Variants in NDST2 observed in about 807,000 individuals in gnomAD.
NDST2 encodes N-deacetylase and N-sulfotransferase 2.
NDST2 carries 32 observed loss-of-function variants against 86.9 expected under a neutral mutation model. That is an observed-to-expected ratio of 0.37 (90% CI 0.28 to 0.49). The LOEUF is 0.49. NDST2 is among the 20% of genes least tolerant of loss of function. The pLI is 0.97. For synonymous variants in NDST2, 409 were observed against 437.0 expected (o/e 0.94, Z 0.80); for missense variants, 950 against 1,146.9 (o/e 0.83, Z 2.48).
Position 73,801,990 on chromosome 10 carries a change from C to A in NDST2, c.*461G>T. The A allele has an allele frequency of 2.8e-6, 1 of 363,038 alleles. No homozygotes were observed. The highest frequency in any genetic ancestry group is 2.1e-5 in the African/African-American group (1 of 47,402). 22.5% of individuals were successfully genotyped at this position (363,038 alleles called of 1,614,324 possible). A position where few individuals can be genotyped will look rare whatever the true frequency, so the allele number is the denominator to read the frequency against. ...CATACTCGGCTCTATGAGCCACTGTCCGACCTCATCCCCATTCAATGTGAA... is the reference window on the plus strand; with the variant it reads ...CATACTCGGCTCTATGAGCCACTGTACGACCTCATCCCCATTCAATGTGAA... On this transcript the variant is annotated 3_prime_UTR_variant, in exon 15 of 15. Transcript: ENST00000309979. The surrounding 1 kb of genome is among the most constrained non-coding windows in gnomAD (Gnocchi z 4.9).
In NDST2 at chr10:73,804,175, GGAAGGGCTAA is replaced by G. The variant is rs952354532; in HGVS notation, c.1844-169_1844-160del. The G allele has an allele frequency of 6.9e-6, 5 of 723,908 alleles. No individual in the cohort carries two copies. In the Admixed American group the frequency reaches 1.1e-4, roughly 16 times the overall value. 44.8% of individuals were successfully genotyped at this position (723,908 alleles called of 1,614,324 possible). ...GGAGGCAAGTCTGAGAGAGGCCCAGGGAAGGGCTAAAACAGTGGTTCTCTGCTTTAACTGT... is the reference window on the plus strand; with the variant it reads ...GGAGGCAAGTCTGAGAGAGGCCCAGGAACAGTGGTTCTCTGCTTTAACTGT... On this transcript the variant is annotated intron_variant, in intron 9 of 14. Transcript: ENST00000309979.
In NDST2 at chr10:73,804,160, C is replaced by G. The variant is rs974881898; in HGVS notation, c.1844-144G>C. 11 of 847,176 alleles carry G rather than the reference C, an allele frequency of 1.3e-5. No homozygotes were observed. The African/African-American group carries it at 1.9e-4, about 14-fold the overall frequency. The allele number at this position is 847,176 out of a possible 1,614,324, so 52.5% of individuals were successfully genotyped here. A position where few individuals can be genotyped will look rare whatever the true frequency, so the allele number is the denominator to read the frequency against. ...CAAACTACAATGATAGGAGGCAAGTCTGAGAGAGGCCCAGGGAAGGGCTAA... is the reference window on the plus strand; with the variant it reads ...CAAACTACAATGATAGGAGGCAAGTGTGAGAGAGGCCCAGGGAAGGGCTAA... On this transcript the variant is annotated intron_variant, in intron 9 of 14. Transcript: ENST00000309979.
Position 73,808,567 on chromosome 10 carries a change from T to C in NDST2, c.-179A>G, listed in dbSNP as rs550524992. 10 of 617,678 alleles carry C rather than the reference T, an allele frequency of 1.6e-5. No homozygotes were observed. The East Asian group carries it at 1.9e-4, about 12-fold the overall frequency. 38.3% of individuals were successfully genotyped at this position (617,678 alleles called of 1,614,324 possible). The stretch of plus-strand genomic sequence containing the variant: ...TCCCCTTAGCATAGGGTAGGGGAGG[T>C]AGAAGGGGAAGCAGGGGGCAACTAT... On this transcript the variant is annotated 5_prime_UTR_variant, in exon 3 of 15. Transcript: ENST00000309979. The surrounding 1 kb of genome is among the most constrained non-coding windows in gnomAD (Gnocchi z 4.3).
rs969539857 is a variant in NDST2 at position 73,808,605 on chromosome 10, T to C, written c.-217A>G. 3.8e-6 allele frequency: 2 copies of C among 524,032 alleles called. No homozygotes were observed. 32.5% of individuals were successfully genotyped at this position (524,032 alleles called of 1,614,324 possible). On this transcript the variant is annotated 5_prime_UTR_variant, in exon 3 of 15. Coordinates refer to ENST00000309979, the MANE Select transcript of NDST2 (RefSeq NM_003635.4). This position sits in a 1 kb window ranked among gnomAD's most constrained non-coding sequence, Gnocchi z 4.3. ...AGGGGGCAACTATACAGAGTCCACT[T>C]GTCTCAGGTCACCATGGCCCCCTGG...
intron 9 of NDST2, among the ~76,000 whole-genome samples, 171 bp downstream of exon 9, chr10:73,804,602 G>A (rs556265816): frequency 1.3e-4 from 19 of 151,710 alleles, no homozygotes; most frequent in South Asian, 1.0e-3. Context: ...GTGCCACTGC[G>A]CTCCAGCCTG....
Position 73,806,345 on chromosome 10 carries a change from A to G in NDST2, c.1378T>C (p.Tyr460His). The change falls in exon 6 of 15, where the codon TAT (tyrosine) becomes CAT (histidine). Residue 460 changes from tyrosine (Y) to histidine (H), a missense_variant. Around this residue, in one of 5 missense-constraint regions of NDST2, gnomAD observed 586 missense variants for 714.0 expected, o/e 0.82. Transcript: ENST00000309979. The surrounding 1 kb of genome is among the most constrained non-coding windows in gnomAD (Gnocchi z 4.5). ...WGIQVTSTEE[Y>H]PHLRPARYRR... ...TAGCGGGCAGGGCGGAGATGGGGAT[A>G]CTCCTCAGTGCTGGTCACCTGGATG... The G allele has an allele frequency of 6.2e-7, 1 of 1,613,952 alleles. No homozygotes were observed. The highest frequency in any genetic ancestry group is 8.5e-7 in the Non-Finnish European group (1 of 1,180,000).
chr10:73,803,154 G>A (rs1344255995), intron 12 of NDST2, 35 bp downstream of exon 12: 2 of 1,613,778 alleles, frequency 1.2e-6, no homozygotes, highest in Non-Finnish European at 1.7e-6. Flanking sequence ...AGAGGGGAAG[G>A]GGAACCCCAC....
At position 73,805,595 on chromosome 10, in the gene NDST2, G is replaced by C. The variant is rs1277763915; in HGVS notation, c.1738C>G (p.Leu580Val). The C allele has an allele frequency of 1.2e-6, 2 of 1,614,050 alleles. No individual in the cohort carries two copies. Among genetic ancestry groups the C allele is most frequent in the East Asian group, 2.2e-5 (1 of 44,874 alleles). ...FELFPQERSP[L>V]WQNPCDDKRH... Reference sequence around the variant, plus strand: ...CTGAGCTCCACCTTTACCTGCCAAAGGGGGCTTCGCTCCTGAGGGAAAAGT... The same window carrying C: ...CTGAGCTCCACCTTTACCTGCCAAACGGGGCTTCGCTCCTGAGGGAAAAGT... Residue 580 changes from leucine to valine, a missense_variant, in exon 8 of 15, where the codon CTT becomes GTT. Around this residue, in one of 5 missense-constraint regions of NDST2, gnomAD observed 586 missense variants for 714.0 expected, o/e 0.82. Coordinates refer to ENST00000309979, the MANE Select transcript of NDST2 (RefSeq NM_003635.4).
Position 73,808,010 on chromosome 10 carries a change from A to G in NDST2, c.379T>C (p.Leu127=), listed in dbSNP as rs935517817. Residue 127 remains leucine, a synonymous_variant, in exon 3 of 15, where the codon TTG becomes CTG. Coordinates refer to ENST00000309979, the MANE Select transcript of NDST2 (RefSeq NM_003635.4). This position sits in a 1 kb window ranked among gnomAD's most constrained non-coding sequence, Gnocchi z 4.3. The part of the protein sequence containing the change: ...LAPGRGDMPT[L]TDNTHGRYVL... ...TAGCGGCCATGGGTATTATCAGTCA[A>G]TGTGGGCATGTCCCCTCGGCCAGGT... 6.2e-7 allele frequency: 1 copy of G among 1,610,530 alleles called. No homozygotes were observed. Among genetic ancestry groups the G allele is most frequent in the Admixed American group, 1.7e-5 (1 of 59,930 alleles).
In NDST2 at chr10:73,804,144, A is replaced by G. The variant is rs138677451; in HGVS notation, c.1844-128T>C. The G allele has an allele frequency of 6.8e-4, 709 of 1,047,310 alleles. 4 individuals are homozygous for G. The African/African-American group carries it at 0.01, about 15-fold the overall frequency. 64.9% of individuals were successfully genotyped at this position (1,047,310 alleles called of 1,614,324 possible). A position where few individuals can be genotyped will look rare whatever the true frequency, so the allele number is the denominator to read the frequency against. On this transcript the variant is annotated intron_variant, in intron 9 of 14. Transcript: ENST00000309979. ...GAAAATCCCCTATGGCCAAACTACA[A>G]TGATAGGAGGCAAGTCTGAGAGAGG...
Position 73,802,345 on chromosome 10 carries a change from G to T in NDST2, c.*106C>A. ...CATCTCAGGCCTGGGGGCTACTGAGGTAGAGGGGGAGGGGCCAGGCCACTC... is the reference window on the plus strand; with the variant it reads ...CATCTCAGGCCTGGGGGCTACTGAGTTAGAGGGGGAGGGGCCAGGCCACTC... On this transcript the variant is annotated 3_prime_UTR_variant, in exon 15 of 15. Transcript: ENST00000309979. 7.8e-7 allele frequency: 1 copy of T among 1,283,122 alleles called. No homozygotes were observed. The highest frequency in any genetic ancestry group is 1.1e-6 in the Non-Finnish European group (1 of 915,484). The allele number at this position is 1,283,122 out of a possible 1,614,324, so 79.5% of individuals were successfully genotyped here.
rs533864572 is a variant in NDST2, at chr10:73,810,807, G to A, written c.-350C>T. On this transcript the variant is annotated 5_prime_UTR_variant, in exon 2 of 15. Coordinates refer to ENST00000309979, the MANE Select transcript of NDST2 (RefSeq NM_003635.4). Reference sequence around the variant, plus strand: ...TCAGAGAAGCTTAGAACCTTGCCCAGGATCACACAGCTCAGTTGGTGGGAG... The same window carrying A: ...TCAGAGAAGCTTAGAACCTTGCCCAAGATCACACAGCTCAGTTGGTGGGAG... 2.1e-4 allele frequency: 82 copies of A among 399,104 alleles called. No homozygotes were observed. Among genetic ancestry groups the A allele is most frequent in the African/African-American group, 1.5e-3 (71 of 48,778 alleles). The allele number at this position is 399,104 out of a possible 1,614,324, so 24.7% of individuals were successfully genotyped here.
Position 73,802,352 on chromosome 10 carries a change from G to A in NDST2, c.*99C>T. 7.3e-7 allele frequency: 1 copy of A among 1,368,482 alleles called. No individual in the cohort carries two copies. The highest frequency in any genetic ancestry group is 1.0e-6 in the Non-Finnish European group (1 of 986,938). The allele number at this position is 1,368,482 out of a possible 1,614,324, so 84.8% of individuals were successfully genotyped here. A position where few individuals can be genotyped will look rare whatever the true frequency, so the allele number is the denominator to read the frequency against. On this transcript the variant is annotated 3_prime_UTR_variant, in exon 15 of 15. Transcript: ENST00000309979. ...GGCCTGGGGGCTACTGAGGTAGAGG[G>A]GGAGGGGCCAGGCCACTCTAATCCC...
In NDST2 at chr10:73,806,738, C is replaced by T. The variant is rs2084110140; in HGVS notation, c.1167G>A (p.Met389Ile). 2 of 1,614,076 alleles carry T rather than the reference C, an allele frequency of 1.2e-6. No homozygotes were observed. The highest frequency in any genetic ancestry group is 1.3e-5 in the African/African-American group (1 of 74,916). Residue 389 changes from methionine (M) to isoleucine (I), a missense_variant, in exon 5 of 15, where the codon ATG (methionine) becomes ATA (isoleucine). Coordinates refer to ENST00000309979, the MANE Select transcript of NDST2 (RefSeq NM_003635.4). The surrounding 1 kb of genome is among the most constrained non-coding windows in gnomAD (Gnocchi z 4.5). ...ACAGGTGTGGCTGCATGTGGCTCCA[C>T]ATGTGGGGGAACCACCAGAACTCTT... is the stretch of plus-strand genomic sequence containing the variant. ...HRKEFWWFPHMWSHMQPHLFH... is the reference protein window; with the variant it reads ...HRKEFWWFPHIWSHMQPHLFH...
Position 73,802,263 on chromosome 10 carries a change from G to A in NDST2, c.*188C>T. On this transcript the variant is annotated 3_prime_UTR_variant, in exon 15 of 15. Coordinates refer to ENST00000309979, the MANE Select transcript of NDST2 (RefSeq NM_003635.4). Reference sequence around the variant, plus strand: ...TAGCACTATTATGTGGGGTACCAAAGGAAGCCCCTTTATTTGTCCCAGAAC... The same window carrying A: ...TAGCACTATTATGTGGGGTACCAAAAGAAGCCCCTTTATTTGTCCCAGAAC... 1 of 641,994 alleles carries A rather than the reference G, an allele frequency of 1.6e-6. No individual in the cohort carries two copies. Among genetic ancestry groups the A allele is most frequent in the Non-Finnish European group, 2.7e-6 (1 of 374,896 alleles). 39.8% of individuals were successfully genotyped at this position (641,994 alleles called of 1,614,324 possible). A position where few individuals can be genotyped will look rare whatever the true frequency, so the allele number is the denominator to read the frequency against.
chr10:73,805,095 T>C (rs2084076495), intron 8 of NDST2, among the ~76,000 whole-genome samples: 1 of 151,872 alleles, frequency 6.6e-6, no homozygotes, highest in Admixed American at 6.5e-5. Flanking sequence ...GAGACAGGGT[T>C]TCTCCAAGTT....
At chr10:73,803,106 C>T (rs373116890) in intron 12 of NDST2, 25 bp from the exon 13 acceptor site, 28 of 1,613,812 alleles carry the variant, frequency 1.7e-5, no homozygotes, top group Non-Finnish European at 2.2e-5. Flanking sequence ...ATGTGGTTCC[C>T]TCTATATTCC....
chr10:73,809,424 G>A (rs1210827874), intron 2 of NDST2, among the ~76,000 whole-genome samples: 2 of 152,158 alleles, frequency 1.3e-5, no homozygotes, highest in Admixed American at 6.5e-5. Context: ...TGCCAGTCAG[G>A]AGATAAAAAT....
Position 73,806,618 on chromosome 10 carries a change from G to A in NDST2, c.1248+39C>T. 7 of 1,601,216 alleles carry A rather than the reference G, an allele frequency of 4.4e-6. No homozygotes were observed. Among genetic ancestry groups the A allele is most frequent in the Non-Finnish European group, 6.0e-6 (7 of 1,169,428 alleles). On this transcript the variant is annotated intron_variant, in intron 5 of 14. Coordinates refer to ENST00000309979, the MANE Select transcript of NDST2 (RefSeq NM_003635.4). This position sits in a 1 kb window ranked among gnomAD's most constrained non-coding sequence, Gnocchi z 4.5. ...AGGGGAAGGTAGAAAAGGAAGCATG[G>A]CTGGGAGAAATTATGGGGAAGAGAT...
Sources: allele counts gnomAD v4.1 joint callset (sites outside exome capture counted in the v4.1 genomes callset), GRCh38; gene constraint gnomAD v4.1.1; regional missense constraint gnomAD v4.1.1; non-coding constraint Gnocchi (gnomAD v3.1); transcripts MANE v1.5; gene names NCBI Gene and HGNC (gene_info 2026-07-23, HGNC 2026-07-21).